The following FBN2 variants were observed in gnomAD, a reference collection of about 807,000 sequenced individuals.
The protein encoded by FBN2 is fibrillin-2.
In FBN2, 105 loss-of-function variants were observed where a neutral mutation model predicts 355.6. The observed-to-expected ratio is 0.30, with a 90% confidence interval of 0.25 to 0.35. The LOEUF (loss-of-function observed/expected upper bound fraction) is 0.35. Ranked by LOEUF, FBN2 falls within the 10% of genes least tolerant of loss-of-function variation. The pLI, the probability that FBN2 is intolerant of heterozygous loss-of-function variation, is 1.00. For missense variants in FBN2, 3,280 were observed against 3,758.7 expected (o/e 0.87, Z 3.33); for synonymous variants, 1,350 against 1,301.2 (o/e 1.04, Z -0.81).
intron 26 of FBN2, among the ~76,000 whole-genome samples, chr5:128,338,603 T>A (rs1243827747): frequency 6.6e-6 from 1 of 152,236 alleles, no homozygotes; most frequent in Non-Finnish European, 1.5e-5. Flanking sequence ...GGGATTGGCA[T>A]GACTGAATAC....
At chr5:128,437,741 A>G (rs2127041626) in intron 7 of FBN2, among the ~76,000 whole-genome samples, 1 of 152,078 alleles carries the variant, frequency 6.6e-6, no homozygotes, top group Admixed American at 6.6e-5. Flanking sequence ...AGTAGTCTAG[A>G]TAGATAAATA....
At chr5:128,353,103 G>C (rs1451884553) in intron 20 of FBN2, among the ~76,000 whole-genome samples, 1 of 151,934 alleles carries the variant, frequency 6.6e-6, no homozygotes. Flanking sequence ...AGCCCCGTAG[G>C]CAGAGGCTGC....
intron 62 of FBN2, 121 bp from the exon 63 acceptor site, chr5:128,263,777 A>C: frequency 1.5e-6 from 1 of 677,436 alleles, no homozygotes; most frequent in Non-Finnish European, 2.5e-6. Flanking sequence ...ACAGTATTTT[A>C]TTTTATTCTG....
At chr5:128,351,462 G>A (rs1407066422) in intron 20 of FBN2, among the ~76,000 whole-genome samples, 2 of 151,840 alleles carry the variant, frequency 1.3e-5, no homozygotes, top group Admixed American at 6.6e-5. Context: ...CAGGAGAATC[G>A]CTTGAACGCA....
At chr5:128,282,597 C>T (rs1056214289) in intron 55 of FBN2, among the ~76,000 whole-genome samples, 14 of 151,886 alleles carry the variant, frequency 9.2e-5, no homozygotes, top group African/African-American at 3.4e-4. Flanking sequence ...ATTAATTTTG[C>T]TTTATTGACA....
chr5:128,490,643 T>C (rs573487722), intron 5 of FBN2, among the ~76,000 whole-genome samples: 2 of 152,320 alleles, frequency 1.3e-5, no homozygotes, highest in African/African-American at 4.8e-5. Context: ...ATTCTATCCA[T>C]TTACCTCCAG....
intron 45 of FBN2, among the ~76,000 whole-genome samples, chr5:128,304,038 C>G (rs889909765): frequency 6.6e-6 from 1 of 152,130 alleles, no homozygotes; most frequent in African/African-American, 2.4e-5. Flanking sequence ...GAGACATACT[C>G]CAGGTATTCC....
intron 20 of FBN2, among the ~76,000 whole-genome samples, chr5:128,352,490 G>T (rs1276265896): frequency 6.6e-6 from 1 of 152,150 alleles, no homozygotes; most frequent in Admixed American, 6.5e-5. Flanking sequence ...GTGGCATAAT[G>T]AAAAGTTTTT....
Position 128,392,573 on chromosome 5 carries a change from G to A in FBN2, c.1466-418C>T, listed in dbSNP as rs145837022. 6.5e-3 allele frequency among the ~76,000 whole-genome samples: 990 copies of A among 152,294 alleles called. 12 individuals carry two copies. Among genetic ancestry groups the A allele is most frequent in the African/African-American group, 0.022 (929 of 41,562 alleles). On this transcript the variant is annotated intron_variant, in intron 10 of 64. Transcript: ENST00000262464. ...TAAAAAGAATGAAGTTAAATGTCAAGCACACAAATGCCAACTCTGGTCTGA... is the reference window on the plus strand; with the variant it reads ...TAAAAAGAATGAAGTTAAATGTCAAACACACAAATGCCAACTCTGGTCTGA...
intron 6 of FBN2, among the ~76,000 whole-genome samples, chr5:128,455,786 G>A (rs1406516564): frequency 1.3e-5 from 2 of 151,692 alleles, no homozygotes; most frequent in Non-Finnish European, 2.9e-5. Context: ...CCAGGGAACT[G>A]TGCAACCCAC....
intron 6 of FBN2, among the ~76,000 whole-genome samples, chr5:128,456,337 C>T (rs1031695552): frequency 1.3e-5 from 2 of 152,138 alleles, no homozygotes; most frequent in Non-Finnish European, 2.9e-5. Context: ...GCTGCAGTCT[C>T]GGGATCAGCA....
intron 12 of FBN2, 103 bp from the exon 13 acceptor site, chr5:128,377,980 T>G (rs1481028139): frequency 7.9e-7 from 1 of 1,262,322 alleles, no homozygotes; most frequent in Non-Finnish European, 1.1e-6. Context: ...TCATGTTACT[T>G]CTTTAGCAAA....
intron 15 of FBN2, among the ~76,000 whole-genome samples, chr5:128,369,917 C>A (rs1177937459): frequency 6.6e-6 from 1 of 152,158 alleles, no homozygotes; most frequent in East Asian, 1.9e-4. Context: ...TGGCATTGTG[C>A]TCGTTGCTTT....
At position 128,447,798 on chromosome 5, in the gene FBN2, T is replaced by C. The variant is rs577180668; in HGVS notation, c.827-1192A>G. On this transcript the variant is annotated intron_variant, in intron 6 of 64. Coordinates refer to ENST00000262464, the MANE Select transcript of FBN2 (RefSeq NM_001999.4). ...GCCGACATGTGATGTCTCCCCCGGATACCCAGCTTTAAAATTTCTCTCTTT... is the reference window on the plus strand; with the variant it reads ...GCCGACATGTGATGTCTCCCCCGGACACCCAGCTTTAAAATTTCTCTCTTT... Among the ~76,000 whole-genome samples the C allele has an allele frequency of 3.9e-5, 6 of 152,332 alleles. No individual in the cohort carries two copies. The South Asian group carries it at 8.3e-4, about 21-fold the overall frequency.
At chr5:128,290,272 C>T (rs908475634) in intron 50 of FBN2, among the ~76,000 whole-genome samples, 1 of 152,130 alleles carries the variant, frequency 6.6e-6, no homozygotes, top group Non-Finnish European at 1.5e-5. Context: ...TGGGAATTAT[C>T]CTATAATTTA....
chr5:128,325,637 C>A (rs980195422), intron 34 of FBN2, among the ~76,000 whole-genome samples: 3 of 152,144 alleles, frequency 2.0e-5, no homozygotes, highest in Non-Finnish European at 2.9e-5. Context: ...TGTTTTATTG[C>A]AGGAAAATGT....
chr5:128,380,427 G>A (rs1752200932), intron 11 of FBN2, among the ~76,000 whole-genome samples: 1 of 151,984 alleles, frequency 6.6e-6, no homozygotes, highest in East Asian at 1.9e-4. Flanking sequence ...CCTCTCTTTA[G>A]GTAAAGTTTC....
intron 62 of FBN2, among the ~76,000 whole-genome samples, chr5:128,271,020 C>T (rs1044404706): frequency 6.6e-5 from 10 of 152,142 alleles, no homozygotes; most frequent in African/African-American, 2.4e-4. Flanking sequence ...TGTGGTAAAG[C>T]ATCTGTCTTT....
chr5:128,360,975 T>C (rs944553440), intron 19 of FBN2, among the ~76,000 whole-genome samples: 3 of 152,306 alleles, frequency 2.0e-5, no homozygotes, highest in African/African-American at 7.2e-5. Flanking sequence ...ACAGGAACAA[T>C]GACTAGTATT....
Sources: allele counts gnomAD v4.1 joint callset (sites outside exome capture counted in the v4.1 genomes callset), GRCh38; gene constraint gnomAD v4.1.1; transcripts MANE v1.5; gene names NCBI Gene and HGNC (gene_info 2026-07-23, HGNC 2026-07-21).